The following RPS6KA5 variants were observed in gnomAD, a reference collection of about 807,000 sequenced individuals.
RPS6KA5 encodes the protein ribosomal protein S6 kinase A5, also known as ribosomal protein S6 kinase alpha-5.
A neutral mutation model predicts 85.5 loss-of-function variants in RPS6KA5; 27 were observed. That is an observed-to-expected ratio of 0.32 (90% CI 0.23 to 0.44). The LOEUF (loss-of-function observed/expected upper bound fraction) is 0.44. Ranked by LOEUF, RPS6KA5 falls within the 20% of genes least tolerant of loss-of-function variation. The probability of loss-of-function intolerance (pLI) is 1.00; values close to 1 mark genes in which losing one functional copy is unlikely to be tolerated. For synonymous variants in RPS6KA5, 334 were observed against 348.2 expected (o/e 0.96, Z 0.46); for missense variants, 811 against 980.9 (o/e 0.83, Z 2.31).
At chr14:90,961,807 C>A (rs1166339929) in intron 3 of RPS6KA5, among the ~76,000 whole-genome samples, 1 of 151,896 alleles carries the variant, frequency 6.6e-6, no homozygotes, top group Non-Finnish European at 1.5e-5. Flanking sequence ...GGGCTGTTTT[C>A]TCAAAAAAAG....
intron 5 of RPS6KA5, among the ~76,000 whole-genome samples, chr14:90,931,635 A>T (rs140984511): frequency 1.1e-4 from 16 of 152,336 alleles, no homozygotes; most frequent in African/African-American, 3.6e-4. Context: ...AAACAAAATT[A>T]AAAACAAGTT....
intron 3 of RPS6KA5, among the ~76,000 whole-genome samples, chr14:90,948,026 A>C (rs190892443): frequency 1.3e-5 from 2 of 152,360 alleles, no homozygotes; most frequent in South Asian, 2.1e-4. Context: ...CCAAAAATCT[A>C]TATTAGGTAA....
chr14:91,025,108 G>A (rs1435964034), intron 1 of RPS6KA5, among the ~76,000 whole-genome samples: 6 of 151,740 alleles, frequency 4.0e-5, no homozygotes, highest in South Asian at 4.2e-4. Context: ...GCAGTGGTAC[G>A]ATCTCGGCTC....
At chr14:90,969,295 ACTTT>A (rs1033359000) in intron 3 of RPS6KA5, among the ~76,000 whole-genome samples, 2 of 152,164 alleles carry the variant, frequency 1.3e-5, no homozygotes, top group Non-Finnish European at 1.5e-5. Flanking sequence ...CAAAATTCTG[ACTTT>A]CTAAGTACAT....
intron 3 of RPS6KA5, among the ~76,000 whole-genome samples, chr14:90,976,742 C>CTCTTAAGAG (rs1370972521): frequency 6.6e-6 from 1 of 152,040 alleles, no homozygotes; most frequent in Non-Finnish European, 1.5e-5. Flanking sequence ...TTAATGGGGA[C>CTCTTAAGAG]TCTTAAGAGG....
chr14:90,968,612 A>G (rs1185430043), intron 3 of RPS6KA5, among the ~76,000 whole-genome samples: 1 of 152,164 alleles, frequency 6.6e-6, no homozygotes, highest in Non-Finnish European at 1.5e-5. Context: ...ACTAGAGTCA[A>G]TGAATACTTT....
At chr14:90,900,848 A>G in intron 9 of RPS6KA5, 112 bp from the exon 10 acceptor site, 1 of 813,802 alleles carries the variant, frequency 1.2e-6, no homozygotes, top group East Asian at 2.8e-5. Context: ...ATATTTGTTG[A>G]GATGAGTCTA....
chr14:91,018,445 GAGA>G (rs1300762837), intron 1 of RPS6KA5, among the ~76,000 whole-genome samples: 2 of 152,214 alleles, frequency 1.3e-5, no homozygotes, highest in Admixed American at 6.5e-5. Flanking sequence ...AGTGGACTGA[GAGA>G]AGAAGACCTA....
At chr14:90,898,792 G>C (rs1054554866) in intron 12 of RPS6KA5, among the ~76,000 whole-genome samples, 10 of 152,256 alleles carry the variant, frequency 6.6e-5, no homozygotes, top group Non-Finnish European at 1.2e-4. Context: ...ACTGAGAGCA[G>C]AAGAGGGGGC....
chr14:90,951,467 T>TC (rs2038184526), intron 3 of RPS6KA5, among the ~76,000 whole-genome samples: 1 of 151,980 alleles, frequency 6.6e-6, no homozygotes, highest in African/African-American at 2.4e-5. Context: ...AGAGTGAGAC[T>TC]CCATCTCAAC....
chr14:90,954,480 C>G (rs1471613832), intron 3 of RPS6KA5, among the ~76,000 whole-genome samples: 5 of 152,216 alleles, frequency 3.3e-5, no homozygotes, highest in Admixed American at 3.3e-4. Flanking sequence ...GTGGCATGAT[C>G]TCAGCTCCCT....
intron 2 of RPS6KA5, among the ~76,000 whole-genome samples, chr14:90,999,501 G>A (rs559950847): frequency 2.8e-4 from 43 of 152,138 alleles, no homozygotes; most frequent in Non-Finnish European, 5.0e-4. Flanking sequence ...TGCTGAGAAT[G>A]GGGAGGAGGA....
intron 1 of RPS6KA5, among the ~76,000 whole-genome samples, chr14:91,053,768 C>T (rs1371267160): frequency 6.6e-6 from 1 of 152,206 alleles, no homozygotes; most frequent in South Asian, 2.1e-4. Flanking sequence ...GATGGCAACA[C>T]TGCCAAAGTT....
At chr14:90,879,369 G>C (rs2033680679) in intron 14 of RPS6KA5, among the ~76,000 whole-genome samples, 1 of 152,224 alleles carries the variant, frequency 6.6e-6, no homozygotes, top group South Asian at 2.1e-4. Context: ...GATAAGCCTG[G>C]TTGGCAGATG....
At position 90,872,312 on chromosome 14, in the gene RPS6KA5, T is replaced by G; in HGVS notation, c.2171A>C (p.Lys724Thr). The stretch of plus-strand genomic sequence containing the variant: ...AAGGCAAAACCCCTCTCTCTTGTAT[T>G]TGTTAAAGGCCTGGCGGGGGAAAAA... ...CVKATFHAFN[K>T]YKREGFCLQN... Residue 724 changes from lysine to threonine, a missense_variant, in exon 17 of 17, where the codon AAA becomes ACA. Lys to Thr is a moderately conservative substitution (Grantham distance 78, BLOSUM62 -1). Coordinates refer to ENST00000614987, the MANE Select transcript of RPS6KA5 (RefSeq NM_004755.4). The G allele has an allele frequency of 1.2e-6, 2 of 1,610,670 alleles. No individual in the cohort carries two copies. The highest frequency in any genetic ancestry group is 1.7e-6 in the Non-Finnish European group (2 of 1,179,084).
intron 1 of RPS6KA5, among the ~76,000 whole-genome samples, chr14:91,054,007 AG>A: frequency 6.6e-6 from 1 of 152,274 alleles, no homozygotes; most frequent in Admixed American, 6.5e-5. Flanking sequence ...TCACTGGAAG[AG>A]AACTGAGAGT....
chr14:90,985,967 G>A (rs777117488), intron 2 of RPS6KA5, among the ~76,000 whole-genome samples: 1 of 152,152 alleles, frequency 6.6e-6, no homozygotes, highest in African/African-American at 2.4e-5. Context: ...TTAAAGAAAG[G>A]AACTGCTGAA....
At position 91,015,863 on chromosome 14, in the gene RPS6KA5, T is replaced by C. The variant is rs75113375; in HGVS notation, c.104-14704A>G. ...CTCAGTGAGCTATATAATCTAATACTATGAAAACTGGTGACCAAAGAAACT... is the reference window on the plus strand; with the variant it reads ...CTCAGTGAGCTATATAATCTAATACCATGAAAACTGGTGACCAAAGAAACT... On this transcript the variant is annotated intron_variant, in intron 1 of 16. Coordinates refer to ENST00000614987, the MANE Select transcript of RPS6KA5 (RefSeq NM_004755.4). Among the ~76,000 whole-genome samples, 512 of 152,360 alleles carry C rather than the reference T, an allele frequency of 3.4e-3. 3 individuals carry two copies. Among genetic ancestry groups the C allele is most frequent in the African/African-American group, 0.012 (489 of 41,586 alleles).
rs1457514878 is a variant in RPS6KA5, at chr14:90,872,150, T to C, written c.2333A>G (p.Lys778Arg). ...SHSHGKTTPTKTLQPSNPADS... is the reference protein window; with the variant it reads ...SHSHGKTTPTRTLQPSNPADS... ...GGCAGGATTGCTGGGCTGCAGTGTCTTGGTGGGTGTAGTTTTACCGTGAGA... is the reference window on the plus strand; with the variant it reads ...GGCAGGATTGCTGGGCTGCAGTGTCCTGGTGGGTGTAGTTTTACCGTGAGA... The change falls in exon 17 of 17, where the codon AAG becomes AGG. Residue 778 changes from lysine to arginine, a missense_variant. Lys to Arg is a conservative substitution (Grantham distance 26). Around this residue, in one of 3 missense-constraint regions of RPS6KA5, gnomAD observed 650 missense variants for 793.4 expected, o/e 0.82. Transcript: ENST00000614987. 5.6e-6 allele frequency: 9 copies of C among 1,613,828 alleles called. No individual in the cohort carries two copies. The highest frequency in any genetic ancestry group is 6.8e-6 in the Non-Finnish European group (8 of 1,179,996).
Sources: allele counts gnomAD v4.1 joint callset (sites outside exome capture counted in the v4.1 genomes callset), GRCh38; gene constraint gnomAD v4.1.1; regional missense constraint gnomAD v4.1.1; transcripts MANE v1.5; gene names NCBI Gene and HGNC (gene_info 2026-07-23, HGNC 2026-07-21).